Variants in SCYL2 observed in about 807,000 individuals in gnomAD.
The protein encoded by SCYL2 is SCY1-like protein 2.
SCYL2 carries 36 observed loss-of-function variants against 100.4 expected under a neutral mutation model. The observed-to-expected ratio is 0.36, with a 90% CI of 0.27 to 0.47. SCYL2 has a LOEUF of 0.47. Among genes scored for constraint, SCYL2 ranks in the 20% least tolerant of loss-of-function variants. SCYL2 has a pLI of 1.00. For synonymous variants in SCYL2, 330 were observed against 359.2 expected (o/e 0.92, Z 0.92); for missense variants, 902 against 1,083.9 (o/e 0.83, Z 2.36).
intron 1 of SCYL2, among the ~76,000 whole-genome samples, chr12:100,275,324 A>G (rs1027967383): frequency 1.3e-5 from 2 of 151,698 alleles, no homozygotes; most frequent in African/African-American, 4.8e-5. Flanking sequence ...ACCTCAGCCT[A>G]CTGAGTAGCT....
intron 2 of SCYL2, among the ~76,000 whole-genome samples, chr12:100,290,870 A>G (rs2096309754): frequency 6.6e-6 from 1 of 152,090 alleles, no homozygotes; most frequent in African/African-American, 2.4e-5. Flanking sequence ...TGGGTATCTG[A>G]GGAATAATGA....
rs531429917 is a variant in SCYL2, at chr12:100,283,761, C to A, written c.177+614C>A. Among the ~76,000 whole-genome samples the A allele has an allele frequency of 8.5e-5, 13 of 152,210 alleles. No homozygotes were observed. The South Asian group carries it at 1.7e-3, about 19-fold the overall frequency. On this transcript the variant is annotated intron_variant, in intron 2 of 17. Coordinates refer to ENST00000360820, the MANE Select transcript of SCYL2 (RefSeq NM_017988.6). ...TACTTTTCCGAAGTTAGCTTATTTC[C>A]CAGGTAAGTACATTGAAGACTGAAT...
At chr12:100,271,805 T>G (rs990776365) in intron 1 of SCYL2, among the ~76,000 whole-genome samples, 27 of 152,316 alleles carry the variant, frequency 1.8e-4, no homozygotes, top group African/African-American at 5.8e-4. Flanking sequence ...GGGAAAAAAG[T>G]AAAAATATAT....
Position 100,335,878 on chromosome 12 carries a change from A to G in SCYL2, c.1997A>G (p.Glu666Gly). The change falls in exon 16 of 18, where the codon GAG (glutamate) becomes GGG (glycine). Residue 666 changes from glutamate to glycine, a missense_variant. Coordinates refer to ENST00000360820, the MANE Select transcript of SCYL2 (RefSeq NM_017988.6). ...LLTGSESENK[E>G]DGLQNKHKRA... is the part of the protein sequence containing the mutation. Reference sequence around the variant, plus strand: ...ACTGGCAGTGAGTCCGAAAATAAAGAGGACGGGTTACAGAATAAACATAAA... The same window carrying G: ...ACTGGCAGTGAGTCCGAAAATAAAGGGGACGGGTTACAGAATAAACATAAA... 6.2e-7 allele frequency: 1 copy of G among 1,613,112 alleles called. No individual in the cohort carries two copies. Among genetic ancestry groups the G allele is most frequent in the Non-Finnish European group, 8.5e-7 (1 of 1,179,186 alleles).
chr12:100,313,600 G>GT, intron 7 of SCYL2, 62 bp downstream of exon 7: 1 of 862,556 alleles, frequency 1.2e-6, no homozygotes, highest in Non-Finnish European at 1.9e-6. Context: ...AGTAGATTAA[G>GT]TTTTTGGGTT....
intron 4 of SCYL2, among the ~76,000 whole-genome samples, chr12:100,299,273 G>A (rs114122287): frequency 0.032 from 4,941 of 152,152 alleles, 99 homozygotes; most frequent in African/African-American, 0.059. Flanking sequence ...TATCTTCAGT[G>A]CCATAGAATA....
chr12:100,313,577 A>C (rs2096344855), intron 7 of SCYL2, 39 bp downstream of exon 7: 2 of 1,089,342 alleles, frequency 1.8e-6, no homozygotes, highest in Non-Finnish European at 1.4e-6. Context: ...TGGAGGAACA[A>C]AAAATGAGTT....
chr12:100,317,222 C>T (rs1181687193), intron 9 of SCYL2, among the ~76,000 whole-genome samples: 1 of 152,004 alleles, frequency 6.6e-6, no homozygotes, highest in Non-Finnish European at 1.5e-5. Flanking sequence ...GAAGAATGAC[C>T]AGGGACAACT....
At chr12:100,337,645 C>A (rs1404699161) in intron 17 of SCYL2, 139 bp downstream of exon 17, 3 of 835,124 alleles carry the variant, frequency 3.6e-6, no homozygotes, top group East Asian at 2.7e-5. Context: ...GAAGTATGGG[C>A]ATAAATGATT....
intron 10 of SCYL2, among the ~76,000 whole-genome samples, chr12:100,320,856 G>A (rs2096355000): frequency 6.6e-6 from 1 of 152,138 alleles, no homozygotes; most frequent in Admixed American, 6.5e-5. Context: ...GTGTCCCACT[G>A]ACTGCTTACA....
At chr12:100,268,340 A>G (rs1454197541) in intron 1 of SCYL2, among the ~76,000 whole-genome samples, 1 of 152,108 alleles carries the variant, frequency 6.6e-6, no homozygotes, top group Non-Finnish European at 1.5e-5. Context: ...AAACCCCATT[A>G]TGTTCTGGTG....
At chr12:100,294,415 G>T in intron 3 of SCYL2, among the ~76,000 whole-genome samples, 1 of 120,640 alleles carries the variant, frequency 8.3e-6, no homozygotes, top group South Asian at 3.0e-4. Context: ...GGACGGGGCG[G>T]CTGGCCGGGC....
intron 1 of SCYL2, among the ~76,000 whole-genome samples, chr12:100,282,202 T>G (rs1338989697): frequency 2.0e-5 from 3 of 150,642 alleles, no homozygotes; most frequent in Non-Finnish European, 4.4e-5. Flanking sequence ...TTTTTGTAAT[T>G]TTTGTAGAGA....
chr12:100,336,184 C>G (rs968080201), intron 16 of SCYL2, among the ~76,000 whole-genome samples: 2 of 152,064 alleles, frequency 1.3e-5, no homozygotes, highest in African/African-American at 4.8e-5. Flanking sequence ...GCCAGTCACA[C>G]CCCTTGGTGA....
intron 1 of SCYL2, among the ~76,000 whole-genome samples, chr12:100,276,328 T>C (rs965600476): frequency 1.1e-4 from 16 of 152,138 alleles, no homozygotes; most frequent in African/African-American, 3.6e-4. Flanking sequence ...TTTTATTTTC[T>C]TTCTTTTTAT....
intron 4 of SCYL2, among the ~76,000 whole-genome samples, chr12:100,309,725 G>A (rs2135896436): frequency 6.6e-6 from 1 of 152,294 alleles, no homozygotes; most frequent in African/African-American, 2.4e-5. Flanking sequence ...TGTGAATAAT[G>A]CTGCTGTGCA....
Position 100,314,930 on chromosome 12 carries a change from A to C in SCYL2, c.1095+316A>C, listed in dbSNP as rs12321277. 5.0e-3 allele frequency among the ~76,000 whole-genome samples: 766 copies of C among 152,334 alleles called. 12 individuals are homozygous for C. The highest frequency in any genetic ancestry group is 0.017 in the African/African-American group (727 of 41,572). On this transcript the variant is annotated intron_variant, in intron 8 of 17. Coordinates refer to ENST00000360820, the MANE Select transcript of SCYL2 (RefSeq NM_017988.6). ...AGCAGTTAAAGGGGTACTTCTGTTG[A>C]TGTTAGCCTTTCCAATTCCTTTACT...
chr12:100,288,489 C>T (rs562002141), intron 2 of SCYL2, among the ~76,000 whole-genome samples: 2 of 152,024 alleles, frequency 1.3e-5, no homozygotes, highest in South Asian at 4.2e-4. Context: ...TTCCTCTTTA[C>T]TTGTGGTGAA....
chr12:100,332,779 A>G (rs938206542), intron 13 of SCYL2, among the ~76,000 whole-genome samples: 6 of 151,566 alleles, frequency 4.0e-5, no homozygotes, highest in South Asian at 2.1e-4. Context: ...CAGTGGCACA[A>G]TCTCAGCTCA....
Sources: gnomAD v4.1 joint callset for allele counts (sites outside exome capture counted in the v4.1 genomes callset) on GRCh38, gnomAD v4.1.1 for gene constraint, MANE v1.5 for transcripts, NCBI Gene and HGNC (gene_info 2026-07-23, HGNC 2026-07-21) for gene names.